OCA2: variants seen among roughly 807,000 people sequenced by gnomAD.
OCA2 encodes the protein P protein.
OCA2 carries 77 observed loss-of-function variants against 100.2 expected under a neutral mutation model. That is an observed-to-expected ratio of 0.77 (90% confidence interval 0.64 to 0.93). The LOEUF is 0.93. OCA2 is among the 40% of genes least tolerant of loss of function. The pLI is 0.00. For missense variants in OCA2, 1,062 were observed against 1,089.1 expected, an observed-to-expected ratio of 0.98 and a Z score of 0.35; for synonymous variants, 432 against 439.2, an observed-to-expected ratio of 0.98 and a Z score of 0.21.
chr15:27,782,475 A>G (rs1301207123), intron 23 of OCA2, among the ~76,000 whole-genome samples: 1 of 152,188 alleles, frequency 6.6e-6, no homozygotes, highest in Non-Finnish European at 1.5e-5. Context: ...ACCACAGCAA[A>G]AATGTCAACT....
intron 5 of OCA2, among the ~76,000 whole-genome samples, chr15:28,024,335 G>T (rs1427983441): frequency 6.6e-6 from 1 of 152,242 alleles, no homozygotes; most frequent in African/African-American, 2.4e-5. Context: ...GAATGTTCAT[G>T]TATTTGAAAG....
chr15:27,816,468 G>A lies in OCA2; in HGVS notation c.2432+28491C>T, dbSNP rs574848666. ...CAGGCGCCTTACTTCATTTGTTCAA[G>A]AAAGACCAGACACCATGTCCCATTC... On this transcript the variant is annotated intron_variant, in intron 23 of 23. Transcript: ENST00000354638. 5.3e-5 allele frequency among the ~76,000 whole-genome samples: 8 copies of A among 152,292 alleles called. No individual in the cohort carries two copies. The South Asian group carries it at 1.7e-3, about 32-fold the overall frequency.
chr15:27,745,773 G>A, the OCA2 span, among the ~76,000 whole-genome samples: 1 of 152,178 alleles, frequency 6.6e-6, no homozygotes. Flanking sequence ...TCTAAGGGCA[G>A]CTGCTGAAGA....
At chr15:28,030,205 T>C (rs2042872671) in intron 3 of OCA2, among the ~76,000 whole-genome samples, 1 of 152,212 alleles carries the variant, frequency 6.6e-6, no homozygotes, top group African/African-American at 2.4e-5. Flanking sequence ...TTACACTCCT[T>C]ACCCATCCAG....
chr15:28,085,045 C>A (rs959023757), intron 1 of OCA2, among the ~76,000 whole-genome samples: 7 of 152,204 alleles, frequency 4.6e-5, no homozygotes, highest in Admixed American at 2.6e-4. Context: ...GAGGTGGGGA[C>A]CATGGGCCCC....
intron 9 of OCA2, among the ~76,000 whole-genome samples, chr15:28,008,823 A>C (rs527968885): frequency 3.9e-5 from 6 of 152,374 alleles, no homozygotes; most frequent in African/African-American, 1.4e-4. Context: ...TCTGGGGAGC[A>C]GCTGGCAGCA....
chr15:27,800,188 T>C (rs553769627), intron 23 of OCA2, among the ~76,000 whole-genome samples: 1 of 152,320 alleles, frequency 6.6e-6, no homozygotes, highest in East Asian at 1.9e-4. Context: ...TTATCAGAAT[T>C]TGTACGATTG....
At chr15:28,095,715 C>CA (rs113766832) in intron 1 of OCA2, among the ~76,000 whole-genome samples, 1,645 of 98,112 alleles carry the variant, frequency 0.017, 33 homozygotes, top group African/African-American at 0.047. Context: ...GAAACTGTCT[C>CA]AAAAAAAAAA....
chr15:27,990,433 T>C, intron 10 of OCA2, 143 bp downstream of exon 10: 1 of 809,954 alleles, frequency 1.2e-6, no homozygotes, highest in Non-Finnish European at 2.2e-6. Context: ...TGTTAGTTCA[T>C]ACCTCTAGCA....
chr15:27,933,089 T>C (rs1396018079), intron 18 of OCA2, among the ~76,000 whole-genome samples: 3 of 152,230 alleles, frequency 2.0e-5, no homozygotes, highest in Non-Finnish European at 4.4e-5. Flanking sequence ...GCAGTCTGTT[T>C]AACAAATGGT....
intron 14 of OCA2, among the ~76,000 whole-genome samples, chr15:27,970,189 G>A (rs1445910581): frequency 6.6e-6 from 1 of 152,154 alleles, no homozygotes; most frequent in East Asian, 1.9e-4. Flanking sequence ...AAGCCACGGA[G>A]GGGATGAGCT....
chr15:27,942,840 T>C (rs1270407746), intron 18 of OCA2, among the ~76,000 whole-genome samples: 1 of 152,172 alleles, frequency 6.6e-6, no homozygotes, highest in African/African-American at 2.4e-5. Flanking sequence ...TTACTTTACA[T>C]TATGTTATAT....
chr15:28,035,005 C>T (rs1301996215), intron 2 of OCA2, among the ~76,000 whole-genome samples: 1 of 152,094 alleles, frequency 6.6e-6, no homozygotes, highest in Non-Finnish European at 1.5e-5. Flanking sequence ...CGCTATTGCT[C>T]CTTGGAAAGC....
intron 14 of OCA2, among the ~76,000 whole-genome samples, chr15:27,975,533 G>A (rs1445008602): frequency 6.6e-6 from 1 of 152,192 alleles, no homozygotes; most frequent in Non-Finnish European, 1.5e-5. Flanking sequence ...GACAATTTGT[G>A]GAAAACGCTA....
intron 2 of OCA2, among the ~76,000 whole-genome samples, chr15:28,033,941 G>T (rs576439955): frequency 2.6e-5 from 4 of 152,022 alleles, no homozygotes; most frequent in African/African-American, 9.7e-5. Context: ...TTACGGAGAC[G>T]GTGACCTCCC....
At chr15:28,095,973 C>T (rs1467209654) in intron 1 of OCA2, among the ~76,000 whole-genome samples, 2 of 152,210 alleles carry the variant, frequency 1.3e-5, no homozygotes. Flanking sequence ...CCAAGGCGTC[C>T]CTCTGAGCGA....
At chr15:28,008,130 C>T (rs1006061373) in intron 9 of OCA2, among the ~76,000 whole-genome samples, 2 of 152,184 alleles carry the variant, frequency 1.3e-5, no homozygotes, top group Non-Finnish European at 1.5e-5. Context: ...ACAACAGACA[C>T]AATAAGTGAG....
chr15:27,732,875 T>G, the OCA2 span, among the ~76,000 whole-genome samples: 10 of 152,256 alleles, frequency 6.6e-5, no homozygotes, highest in African/African-American at 2.4e-4. Context: ...TGCTTTGGTT[T>G]TGCCCAACAG....
intron 2 of OCA2, among the ~76,000 whole-genome samples, chr15:28,058,660 T>C (rs1240457364): frequency 2.0e-5 from 3 of 152,228 alleles, no homozygotes; most frequent in African/African-American, 7.2e-5. Context: ...TAGAGACCAG[T>C]GTTAGTGACT....
Sources: gnomAD v4.1 joint callset for allele counts (sites outside exome capture counted in the v4.1 genomes callset) on GRCh38, gnomAD v4.1.1 for gene constraint, MANE v1.5 for transcripts, NCBI Gene and HGNC (gene_info 2026-07-23, HGNC 2026-07-21) for gene names.